The following UBE3B variants were observed in gnomAD, a reference collection of about 807,000 sequenced individuals.
UBE3B encodes ubiquitin protein ligase E3B, also known as ubiquitin-protein ligase E3B.
Under a neutral mutation model 132.3 loss-of-function variants are expected in UBE3B, and 80 were observed. That is an observed-to-expected ratio of 0.60 (90% confidence interval 0.50 to 0.73). UBE3B has a LOEUF of 0.73. Ranked by LOEUF, UBE3B falls within the 30% of genes least tolerant of loss-of-function variation. The probability of loss-of-function intolerance (pLI) is 0.00; values close to 1 mark genes in which losing one functional copy is unlikely to be tolerated. For missense variants in UBE3B, 1,196 were observed against 1,362.5 expected, an observed-to-expected ratio of 0.88 and a Z score of 1.92; for synonymous variants, 487 against 520.4, an observed-to-expected ratio of 0.94 and a Z score of 0.87.
Position 109,520,743 on chromosome 12 carries a change from A to AT in UBE3B, c.2077-391dup, listed in dbSNP as rs35964882. ...CATTTTACAGTGTTCTGTAGGTTTG[A>AT]TTTTTTTTTTTTTTCTTTTTTCTTT... On this transcript the variant is annotated intron_variant, in intron 19 of 27. Transcript: ENST00000342494. 211 of 148,628 alleles carry AT rather than the reference A, an allele frequency of 1.4e-3. 1 individual carries two copies. The highest frequency in any genetic ancestry group is 3.0e-3 in the South Asian group (14 of 4,706). 9.2% of individuals were successfully genotyped at this position (148,628 alleles called of 1,614,324 possible). A position where few individuals can be genotyped will look rare whatever the true frequency, so the allele number is the denominator to read the frequency against.
the UBE3B span, among the ~76,000 whole-genome samples, chr12:109,544,322 T>G: frequency 7.3e-6 from 1 of 136,808 alleles, no homozygotes; most frequent in Admixed American, 8.0e-5. Flanking sequence ...CTGGTGGGAA[T>G]GGGTGTGGAC....
intron 13 of UBE3B, 101 bp from the exon 14 acceptor site, chr12:109,502,922 G>C: frequency 6.9e-7 from 1 of 1,442,684 alleles, no homozygotes; most frequent in African/African-American, 1.4e-5. Flanking sequence ...GTCTGGCCTG[G>C]CTGTGCATTT....
rs1278934408 is a variant in UBE3B, at chr12:109,516,812, G to T, written c.2004G>T (p.Leu668=). 6.2e-7 allele frequency: 1 copy of T among 1,614,058 alleles called. No homozygotes were observed. The highest frequency in any genetic ancestry group is 8.5e-7 in the Non-Finnish European group (1 of 1,180,024). ...TGGTTACCAAGGAGAAGGAGAAACTGGGGCTGGTGGAAACCAGCTCTGCCT... is the reference window on the plus strand; with the variant it reads ...TGGTTACCAAGGAGAAGGAGAAACTTGGGCTGGTGGAAACCAGCTCTGCCT... ...RTMVTKEKEK[L]GLVETSSASP... Residue 668 remains leucine (L), a synonymous_variant, in exon 19 of 28, where the codon CTG becomes CTT. Transcript: ENST00000342494.
At position 109,534,098 on chromosome 12, in the gene UBE3B, C is replaced by G; in HGVS notation, c.3016-493C>G. ...CTCCCCATAAAAACCCAGTGGCCGC[C>G]TCTGGGTGTAGCTGCCTCTCATGAT... is the stretch of plus-strand genomic sequence containing the variant. On this transcript the variant is annotated intron_variant, in intron 27 of 27. Coordinates refer to ENST00000342494, the MANE Select transcript of UBE3B (RefSeq NM_130466.4). The surrounding 1 kb of genome is among the most constrained non-coding windows in gnomAD (Gnocchi z 5.2). 7 of 1,295,232 alleles carry G rather than the reference C, an allele frequency of 5.4e-6. No individual in the cohort carries two copies. Among genetic ancestry groups the G allele is most frequent in the African/African-American group, 1.5e-5 (1 of 66,254 alleles). 80.2% of individuals were successfully genotyped at this position (1,295,232 alleles called of 1,614,324 possible). A position where few individuals can be genotyped will look rare whatever the true frequency, so the allele number is the denominator to read the frequency against.
At chr12:109,481,276 G>A (rs1426712866) in intron 1 of UBE3B, among the ~76,000 whole-genome samples, 1 of 150,064 alleles carries the variant, frequency 6.7e-6, no homozygotes, top group African/African-American at 2.5e-5. Context: ...AAATTATGCC[G>A]CTGCACTCCA....
chr12:109,511,195 C>G lies in UBE3B; in HGVS notation c.1857-9C>G. On this transcript the variant is annotated splice_polypyrimidine_tract_variant and intron_variant, in intron 17 of 27. Transcript: ENST00000342494. ...TTAATTCTCCCAAACCCATGTCTTT[C>G]TTCTCAAGGGATCTCAAACCTAGCG... is the stretch of plus-strand genomic sequence containing the variant. The G allele has an allele frequency of 6.2e-7, 1 of 1,613,626 alleles. No homozygotes were observed. Among genetic ancestry groups the G allele is most frequent in the Non-Finnish European group, 8.5e-7 (1 of 1,179,662 alleles).
At chr12:109,487,434 C>T (rs1435540763) in intron 6 of UBE3B, among the ~76,000 whole-genome samples, 3 of 152,208 alleles carry the variant, frequency 2.0e-5, no homozygotes, top group Admixed American at 2.0e-4. Flanking sequence ...GCCCCCAACC[C>T]CAGTAATAAT....
chr12:109,530,022 G>T lies in UBE3B; in HGVS notation c.2760G>T (p.Leu920=). 3.1e-6 allele frequency: 5 copies of T among 1,614,092 alleles called. No individual in the cohort carries two copies. Among genetic ancestry groups the T allele is most frequent in the Non-Finnish European group, 1.7e-6 (2 of 1,180,026 alleles). The change falls in exon 25 of 28, where the codon CTG becomes CTT. Residue 920 remains leucine, a synonymous_variant. Coordinates refer to ENST00000342494, the MANE Select transcript of UBE3B (RefSeq NM_130466.4). ...EWIRMFSTPE[L]QRLISGDNAE... ...TCCGAATGTTCTCAACTCCTGAACT[G>T]CAGCGTCTCATCTCTGGCGACAATG...
chr12:109,479,023 A>G lies in UBE3B; in HGVS notation c.-128+914A>G, dbSNP rs538285802. On this transcript the variant is annotated intron_variant, in intron 1 of 27. Coordinates refer to ENST00000342494, the MANE Select transcript of UBE3B (RefSeq NM_130466.4). ...AGAGTCTGAATCCTGCCTCTTAGTT[A>G]TTACAGCCTTGACTCTGCCACATAC... Among the ~76,000 whole-genome samples, 41 of 152,308 alleles carry G rather than the reference A, an allele frequency of 2.7e-4. No homozygotes were observed. The East Asian group carries it at 4.4e-3, about 17-fold the overall frequency.
intron 18 of UBE3B, 123 bp from the exon 19 acceptor site, chr12:109,516,642 G>A (rs1881101828): frequency 6.8e-7 from 1 of 1,471,956 alleles, no homozygotes; most frequent in Non-Finnish European, 9.2e-7. Flanking sequence ...GGTAGCACAT[G>A]TTAAGGCATC....
At position 109,512,692 on chromosome 12, in the gene UBE3B, G is replaced by C. The variant is rs1880528693; in HGVS notation, c.1956+1389G>C. Among the ~76,000 whole-genome samples, 3 of 152,078 alleles carry C rather than the reference G, an allele frequency of 2.0e-5. No individual in the cohort carries two copies. The South Asian group carries it at 6.2e-4, about 31-fold the overall frequency. Reference sequence around the variant, plus strand: ...TTCATCCTCACTGCTGTCTGATACTGTTCTGTCCTTGACTTTAATACTTAT... The same window carrying C: ...TTCATCCTCACTGCTGTCTGATACTCTTCTGTCCTTGACTTTAATACTTAT... On this transcript the variant is annotated intron_variant, in intron 18 of 27. Transcript: ENST00000342494.
chr12:109,490,876 A>AT, intron 8 of UBE3B, 169 bp from the exon 9 acceptor site: 3 of 1,075,672 alleles, frequency 2.8e-6, no homozygotes, highest in Non-Finnish European at 3.8e-6. Context: ...GGCCTCAAGG[A>AT]ATCTTCCTGC....
chr12:109,486,596 A>AAAAAAAAAC, intron 6 of UBE3B, 21 bp downstream of exon 6: 1 of 1,445,040 alleles, frequency 6.9e-7, no homozygotes, highest in African/African-American at 1.4e-5. Context: ...AAAAAAAAAA[A>AAAAAAAAAC]AAAAAAAGCA....
chr12:109,524,617 C>G, intron 23 of UBE3B, 114 bp downstream of exon 23: 1 of 1,174,866 alleles, frequency 8.5e-7, no homozygotes, highest in East Asian at 2.5e-5. Context: ...TGTCTGGTCC[C>G]TTGTCCTCCC....
intron 15 of UBE3B, 108 bp downstream of exon 15, chr12:109,507,843 C>A: frequency 7.6e-7 from 1 of 1,314,084 alleles, no homozygotes; most frequent in Non-Finnish European, 1.1e-6. Context: ...AACATTTGGA[C>A]CTGTGTGGCA....
chr12:109,524,483 G>A lies in UBE3B; in HGVS notation c.2548G>A (p.Asp850Asn), dbSNP rs770314364. The A allele has an allele frequency of 2.2e-5, 36 of 1,614,048 alleles. No homozygotes were observed. Among genetic ancestry groups the A allele is most frequent in the Admixed American group, 1.7e-4 (10 of 60,010 alleles). ...ITDLGLTLSY[D>N]EDVMGQLVCH... ...TGACCTGGGCCTGACGCTGTCTTAC[G>A]ACGAGGACGTCATGGGTCAGGTAGG... Residue 850 changes from aspartate to asparagine, a missense_variant, in exon 23 of 28, where the codon GAC becomes AAC. Transcript: ENST00000342494.
chr12:109,533,787 T>G, intron 27 of UBE3B: 1 of 869,898 alleles, frequency 1.1e-6, no homozygotes, highest in Non-Finnish European at 1.8e-6. Context: ...TTCTCTTTCC[T>G]TCCTCAGGGA....
At chr12:109,512,164 G>A (rs1880447832) in intron 18 of UBE3B, among the ~76,000 whole-genome samples, 1 of 152,134 alleles carries the variant, frequency 6.6e-6, no homozygotes, top group Non-Finnish European at 1.5e-5. Flanking sequence ...TGTGGGGAGA[G>A]CACCCAAATC....
chr12:109,507,872 C>T (rs576085837), intron 15 of UBE3B, 137 bp downstream of exon 15: 35 of 1,042,276 alleles, frequency 3.4e-5, no homozygotes, highest in Non-Finnish European at 4.3e-5. Flanking sequence ...TAAGAACTAG[C>T]CATTTACCAA....
Sources: gnomAD v4.1 joint callset for allele counts (sites outside exome capture counted in the v4.1 genomes callset) on GRCh38, gnomAD v4.1.1 for gene constraint, Gnocchi (gnomAD v3.1) non-coding constraint, MANE v1.5 for transcripts, NCBI Gene and HGNC (gene_info 2026-07-23, HGNC 2026-07-21) for gene names.